The following NPAS2 variants were observed in gnomAD, a reference collection of about 807,000 sequenced individuals.
The protein encoded by NPAS2 is neuronal PAS domain-containing protein 2.
NPAS2 carries 23 observed loss-of-function variants against 107.5 expected under a neutral mutation model. That is an observed-to-expected ratio of 0.21 (90% CI 0.15 to 0.30). The LOEUF (loss-of-function observed/expected upper bound fraction) is 0.30. Among genes scored for constraint, NPAS2 ranks in the 10% least tolerant of loss-of-function variants. The pLI, the probability that NPAS2 is intolerant of heterozygous loss-of-function variation, is 1.00. For missense variants in NPAS2, 756 were observed against 1,043.3 expected, an observed-to-expected ratio of 0.72 and a Z score of 3.79; for synonymous variants, 403 against 417.5, an observed-to-expected ratio of 0.97 and a Z score of 0.42.
intron 7 of NPAS2, among the ~76,000 whole-genome samples, chr2:100,954,144 C>G (rs1675410220): frequency 6.6e-6 from 1 of 152,126 alleles, no homozygotes; most frequent in African/African-American, 2.4e-5. Context: ...GGAGCTGTCC[C>G]TAATTATCTG....
chr2:100,949,501 A>G (rs945565852), intron 7 of NPAS2, 21 bp downstream of exon 7: 19 of 1,339,238 alleles, frequency 1.4e-5, no homozygotes, highest in Non-Finnish European at 2.0e-5. Context: ...ATTGTCATAT[A>G]ATTGTGACAG....
At position 100,965,076 on chromosome 2, in the gene NPAS2, C is replaced by T. The variant is rs1302112612; in HGVS notation, c.800+133C>T. The T allele has an allele frequency of 8.6e-6, 5 of 579,300 alleles. No individual in the cohort carries two copies. Among genetic ancestry groups the T allele is most frequent in the Non-Finnish European group, 5.8e-6 (2 of 343,130 alleles). 35.9% of individuals were successfully genotyped at this position (579,300 alleles called of 1,614,324 possible). A position where few individuals can be genotyped will look rare whatever the true frequency, so the allele number is the denominator to read the frequency against. ...AGGACTCTCTGGCACTAGGAAAAGT[C>T]GTCCCTGCCAAGGGTGGGTGGTTTC... On this transcript the variant is annotated intron_variant, in intron 9 of 20. Coordinates refer to ENST00000335681, the MANE Select transcript of NPAS2 (RefSeq NM_002518.4). The surrounding 1 kb of genome is among the most constrained non-coding windows in gnomAD (Gnocchi z 4.3).
At chr2:100,987,792 G>T in intron 16 of NPAS2, 1 of 439,394 alleles carries the variant, frequency 2.3e-6, no homozygotes, top group Non-Finnish European at 4.1e-6. Context: ...ACATTATTTA[G>T]AGAACATCTG....
chr2:100,922,156 G>A (rs185888974), intron 2 of NPAS2, among the ~76,000 whole-genome samples: 2 of 152,178 alleles, frequency 1.3e-5, no homozygotes, highest in Non-Finnish European at 2.9e-5. Context: ...CAATCACAAA[G>A]ACACAGGAGA....
At position 100,965,040 on chromosome 2, in the gene NPAS2, A is replaced by G. The variant is rs2105157491; in HGVS notation, c.800+97A>G. ...GGGAGAGAAGAGTCGGCCCTGGTCC[A>G]TTGAAAGAGGAGGACTCTCTGGCAC... On this transcript the variant is annotated intron_variant, in intron 9 of 20. Coordinates refer to ENST00000335681, the MANE Select transcript of NPAS2 (RefSeq NM_002518.4). The surrounding 1 kb of genome is among the most constrained non-coding windows in gnomAD (Gnocchi z 4.3). The G allele has an allele frequency of 1.3e-6, 1 of 781,882 alleles. No homozygotes were observed. Among genetic ancestry groups the G allele is most frequent in the Non-Finnish European group, 2.0e-6 (1 of 500,696 alleles). The allele number at this position is 781,882 out of a possible 1,614,324, so 48.4% of individuals were successfully genotyped here. A position where few individuals can be genotyped will look rare whatever the true frequency, so the allele number is the denominator to read the frequency against.
intron 1 of NPAS2, among the ~76,000 whole-genome samples, chr2:100,837,121 C>G (rs1488773771): frequency 1.3e-5 from 2 of 152,072 alleles, no homozygotes; most frequent in African/African-American, 2.4e-5. Flanking sequence ...AATCTAGTAT[C>G]CCAAGGAGAT....
intron 1 of NPAS2, among the ~76,000 whole-genome samples, chr2:100,841,866 C>G (rs544694925): frequency 5.9e-5 from 9 of 152,256 alleles, no homozygotes; most frequent in African/African-American, 1.9e-4. Flanking sequence ...TATACACATG[C>G]ACATATGCGC....
chr2:100,951,506 A>C (rs1200563061), intron 7 of NPAS2, among the ~76,000 whole-genome samples: 1 of 152,224 alleles, frequency 6.6e-6, no homozygotes, highest in African/African-American at 2.4e-5. Flanking sequence ...TTCGGCCTTA[A>C]AAAGAAAGGA....
At chr2:100,932,810 A>G in intron 3 of NPAS2, 100 bp from the exon 4 acceptor site, 1 of 820,232 alleles carries the variant, frequency 1.2e-6, no homozygotes. Context: ...ACTACACAGA[A>G]GTTTACACAA....
chr2:100,982,497 T>G (rs1047670533), intron 16 of NPAS2, 120 bp downstream of exon 16: 7 of 1,195,128 alleles, frequency 5.9e-6, no homozygotes, highest in Non-Finnish European at 8.1e-6. Flanking sequence ...CAAGCCCCAT[T>G]TGCTTATGAA....
chr2:100,932,183 T>G (rs537529005), intron 3 of NPAS2, among the ~76,000 whole-genome samples: 2 of 152,360 alleles, frequency 1.3e-5, no homozygotes, highest in South Asian at 4.1e-4. Flanking sequence ...AATTATCTTA[T>G]CAGAAATAAT....
At position 100,965,609 on chromosome 2, in the gene NPAS2, C is replaced by T. The variant is rs774005305; in HGVS notation, c.801-51C>T. 9 of 1,214,034 alleles carry T rather than the reference C, an allele frequency of 7.4e-6. No individual in the cohort carries two copies. The highest frequency in any genetic ancestry group is 1.1e-5 in the Non-Finnish European group (9 of 823,606). 75.2% of individuals were successfully genotyped at this position (1,214,034 alleles called of 1,614,324 possible). On this transcript the variant is annotated intron_variant, in intron 9 of 20. Coordinates refer to ENST00000335681, the MANE Select transcript of NPAS2 (RefSeq NM_002518.4). The surrounding 1 kb of genome is among the most constrained non-coding windows in gnomAD (Gnocchi z 4.3). ...GGAAAGGCATGGCCACCAGGGTGAG[C>T]CCTGCAGGGTGTCTCCTCCCTGATG...
intron 2 of NPAS2, among the ~76,000 whole-genome samples, chr2:100,915,746 C>T (rs779192900): frequency 6.6e-5 from 10 of 152,026 alleles, no homozygotes; most frequent in Admixed American, 2.0e-4. Flanking sequence ...CTCAAATGAA[C>T]GAAAACTTCC....
intron 1 of NPAS2, among the ~76,000 whole-genome samples, chr2:100,848,278 C>G (rs1334066352): frequency 6.6e-6 from 1 of 152,024 alleles, no homozygotes; most frequent in African/African-American, 2.4e-5. Flanking sequence ...TCCCATTGGC[C>G]CAGTTTTTCT....
chr2:100,948,215 T>C lies in NPAS2; in HGVS notation c.364-20T>C. ...CATCTTCGTTGAGGGTGTACCTTTG[T>C]CCTTTATTTTCTTTTTCAGTCGGAT... On this transcript the variant is annotated intron_variant, in intron 5 of 20. Coordinates refer to ENST00000335681, the MANE Select transcript of NPAS2 (RefSeq NM_002518.4). The C allele has an allele frequency of 6.2e-7, 1 of 1,611,204 alleles. No individual in the cohort carries two copies. Among genetic ancestry groups the C allele is most frequent in the Non-Finnish European group, 8.5e-7 (1 of 1,179,362 alleles).
chr2:100,963,299 A>G (rs1158568267), intron 7 of NPAS2, among the ~76,000 whole-genome samples: 1 of 152,266 alleles, frequency 6.6e-6, no homozygotes, highest in Non-Finnish European at 1.5e-5. Context: ...GACCATCAGT[A>G]TCAGGAACAC....
At chr2:100,978,590 T>A (rs1261485109) in intron 15 of NPAS2, among the ~76,000 whole-genome samples, 1 of 152,196 alleles carries the variant, frequency 6.6e-6, no homozygotes, top group Admixed American at 6.5e-5. Context: ...AATTCCATCC[T>A]TGTTTCAACA....
intron 2 of NPAS2, among the ~76,000 whole-genome samples, chr2:100,911,945 A>G (rs1682574146): frequency 6.6e-6 from 1 of 152,176 alleles, no homozygotes; most frequent in South Asian, 2.1e-4. Flanking sequence ...AGTCAGTTTT[A>G]ATAGGAATGC....
chr2:100,828,215 T>G (rs1676507926), intron 1 of NPAS2, among the ~76,000 whole-genome samples: 1 of 152,210 alleles, frequency 6.6e-6, no homozygotes, highest in South Asian at 2.1e-4. Context: ...TTGAGAAGTG[T>G]CTGTTCATGT....
Sources: gnomAD v4.1 joint callset for allele counts (sites outside exome capture counted in the v4.1 genomes callset) on GRCh38, gnomAD v4.1.1 for gene constraint, Gnocchi (gnomAD v3.1) non-coding constraint, MANE v1.5 for transcripts, NCBI Gene and HGNC (gene_info 2026-07-23, HGNC 2026-07-21) for gene names.